The following PLD5 variants were observed in gnomAD, a reference collection of about 807,000 sequenced individuals.
PLD5 encodes phospholipase D family member 5.
A neutral mutation model predicts 61.1 loss-of-function variants in PLD5; 36 were observed. The observed-to-expected ratio is 0.59, with a 90% CI of 0.45 to 0.78. The LOEUF is 0.78. Among genes scored for constraint, PLD5 ranks in the 30% least tolerant of loss-of-function variants. The pLI, the probability that PLD5 is intolerant of heterozygous loss-of-function variation, is 0.00. For missense variants in PLD5, 515 were observed against 644.4 expected (o/e 0.80, Z 2.17); for synonymous variants, 243 against 242.8 (o/e 1.00, Z -0.01).
chr1:242,504,124 A>G (rs1558153584), intron 1 of PLD5, among the ~76,000 whole-genome samples: 1 of 152,210 alleles, frequency 6.6e-6, no homozygotes, highest in African/African-American at 2.4e-5. Flanking sequence ...TGTACCTACC[A>G]GAAATAATTT....
rs372039776 is a variant in PLD5, at chr1:242,389,464, A to G, written c.190-41222T>C. Among the ~76,000 whole-genome samples, 4 of 152,236 alleles carry G rather than the reference A, an allele frequency of 2.6e-5. No individual in the cohort carries two copies. The East Asian group carries it at 7.7e-4, about 29-fold the overall frequency. ...AAAGGACTCTGTTTAGATAATATTT[A>G]TTAAGCTCCCATATTAACACATGGT... On this transcript the variant is annotated intron_variant, in intron 1 of 9. Coordinates refer to ENST00000536534, the MANE Select transcript of PLD5 (RefSeq NM_001372062.1).
intron 1 of PLD5, among the ~76,000 whole-genome samples, chr1:242,428,145 A>T (rs1190607831): frequency 6.6e-6 from 1 of 152,226 alleles, no homozygotes; most frequent in Non-Finnish European, 1.5e-5. Context: ...TGTTAGGGAA[A>T]AGTAGGTATG....
At position 242,107,705 on chromosome 1, in the gene PLD5, A is replaced by G. The variant is rs1661172289; in HGVS notation, c.1205T>C (p.Ile402Thr). The G allele has an allele frequency of 6.3e-7, 1 of 1,597,910 alleles. No individual in the cohort carries two copies. Among genetic ancestry groups the G allele is most frequent in the African/African-American group, 1.4e-5 (1 of 73,852 alleles). The part of the protein sequence containing the change: ...TFNFISSLKA[I>T]CTEIANCSLK... Reference sequence around the variant, plus strand: ...ACTGCAGTTGGCTATTTCAGTGCAAATCGCTTTAAGAGATGAAATAAAGTT... The same window carrying G: ...ACTGCAGTTGGCTATTTCAGTGCAAGTCGCTTTAAGAGATGAAATAAAGTT... Residue 402 changes from isoleucine to threonine, a missense_variant, in exon 8 of 10, where the codon ATT becomes ACT. Transcript: ENST00000536534.
intron 2 of PLD5, among the ~76,000 whole-genome samples, chr1:242,327,606 G>C (rs1024633972): frequency 6.6e-6 from 1 of 152,102 alleles, no homozygotes; most frequent in Non-Finnish European, 1.5e-5. Flanking sequence ...TAACAGAGCT[G>C]CATATTTCAA....
chr1:242,155,126 T>G (rs1665250423), intron 5 of PLD5, among the ~76,000 whole-genome samples: 1 of 152,136 alleles, frequency 6.6e-6, no homozygotes, highest in Non-Finnish European at 1.5e-5. Flanking sequence ...TTCTACTTTA[T>G]TATTTGCGTA....
In PLD5 at chr1:242,186,937, G is replaced by GAGAT. The variant is rs1207112040; in HGVS notation, c.735+33047_735+33050dup. 1.1e-4 allele frequency among the ~76,000 whole-genome samples: 16 copies of GAGAT among 152,316 alleles called. No homozygotes were observed. The East Asian group carries it at 2.5e-3, about 24-fold the overall frequency. ...TTAAGGAGGAGATAACATTCATCGT[G>GAGAT]AGATAGGTAGCTTCTTAAATTTTCA... is the stretch of plus-strand genomic sequence containing the variant. On this transcript the variant is annotated intron_variant, in intron 5 of 9. Transcript: ENST00000536534.
chr1:242,490,264 C>T (rs111826907), intron 1 of PLD5, among the ~76,000 whole-genome samples: 3 of 152,178 alleles, frequency 2.0e-5, no homozygotes, highest in South Asian at 2.1e-4. Context: ...TCTTACCACA[C>T]GGCTTTTATG....
Position 242,283,159 on chromosome 1 carries a change from C to G in PLD5, c.495+5203G>C, listed in dbSNP as rs143454373. Among the ~76,000 whole-genome samples, 200 of 152,328 alleles carry G rather than the reference C, an allele frequency of 1.3e-3. 8 individuals carry two copies. In the East Asian group the frequency reaches 0.035, roughly 27 times the overall value. On this transcript the variant is annotated intron_variant, in intron 3 of 9. Coordinates refer to ENST00000536534, the MANE Select transcript of PLD5 (RefSeq NM_001372062.1). Reference sequence around the variant, plus strand: ...AATAAAAAAGCACATATTCATCATTCCTGTTAGTAACAACCATCACACTCA... The same window carrying G: ...AATAAAAAAGCACATATTCATCATTGCTGTTAGTAACAACCATCACACTCA...
At chr1:242,138,932 C>T (rs928995963) in intron 5 of PLD5, among the ~76,000 whole-genome samples, 2 of 152,152 alleles carry the variant, frequency 1.3e-5, no homozygotes, top group Non-Finnish European at 2.9e-5. Flanking sequence ...AGTTTGGTCT[C>T]CCTATCTCAA....
intron 4 of PLD5, among the ~76,000 whole-genome samples, chr1:242,245,747 C>A (rs1169415019): frequency 6.6e-6 from 1 of 152,136 alleles, no homozygotes; most frequent in Non-Finnish European, 1.5e-5. Context: ...GGAATTTGTT[C>A]TTTAGGCTGC....
At chr1:242,346,637 C>CT (rs1319256514) in intron 2 of PLD5, among the ~76,000 whole-genome samples, 3 of 152,184 alleles carry the variant, frequency 2.0e-5, no homozygotes, top group East Asian at 3.9e-4. Context: ...TATGAAATAC[C>CT]TTTTTTTATT....
At chr1:242,288,861 T>C (rs1194897208) in intron 2 of PLD5, among the ~76,000 whole-genome samples, 1 of 152,198 alleles carries the variant, frequency 6.6e-6, no homozygotes, top group African/African-American at 2.4e-5. Flanking sequence ...TAGTAATATA[T>C]TCCTTTATTT....
At chr1:242,121,810 A>T (rs1479215553) in intron 6 of PLD5, among the ~76,000 whole-genome samples, 2 of 152,100 alleles carry the variant, frequency 1.3e-5, no homozygotes, top group Non-Finnish European at 2.9e-5. Context: ...ATGAAGCTGG[A>T]AACCATCATT....
chr1:242,280,399 G>A (rs1674653752), intron 3 of PLD5, among the ~76,000 whole-genome samples: 1 of 152,118 alleles, frequency 6.6e-6, no homozygotes, highest in African/African-American at 2.4e-5. Context: ...AATAACAACA[G>A]AGAATTTGTA....
chr1:242,359,403 A>G (rs1235061647), intron 1 of PLD5, among the ~76,000 whole-genome samples: 1 of 152,174 alleles, frequency 6.6e-6, no homozygotes, highest in Non-Finnish European at 1.5e-5. Flanking sequence ...TGTTTCTTTC[A>G]GCTTTCAATG....
At chr1:242,471,070 A>G (rs993853765) in intron 1 of PLD5, among the ~76,000 whole-genome samples, 10 of 152,138 alleles carry the variant, frequency 6.6e-5, no homozygotes, top group African/African-American at 2.2e-4. Context: ...GACTAAACTT[A>G]TCAAGGGCTC....
In PLD5 at chr1:242,121,745, G is replaced by A. The variant is rs187232257; in HGVS notation, c.933+2723C>T. ...AGAAAATGTGACAGATATACACCAC[G>A]GAATACTATGCAGCCATAAAAAAGG... On this transcript the variant is annotated intron_variant, in intron 6 of 9. Coordinates refer to ENST00000536534, the MANE Select transcript of PLD5 (RefSeq NM_001372062.1). Among the ~76,000 whole-genome samples, 27 of 152,100 alleles carry A rather than the reference G, an allele frequency of 1.8e-4. No homozygotes were observed. The South Asian group carries it at 2.7e-3, about 15-fold the overall frequency.
intron 5 of PLD5, among the ~76,000 whole-genome samples, chr1:242,174,693 T>C (rs529807353): frequency 1.5e-3 from 233 of 152,246 alleles, no homozygotes; most frequent in African/African-American, 5.3e-3. Context: ...ACATGGCACA[T>C]ATACACCATG....
At chr1:242,163,344 T>C (rs368359558) in intron 5 of PLD5, among the ~76,000 whole-genome samples, 24 of 151,880 alleles carry the variant, frequency 1.6e-4, no homozygotes, top group East Asian at 3.9e-4. Flanking sequence ...GGGGTTTCAC[T>C]GTGTTAGCCA....
Sources: gnomAD v4.1 joint callset for allele counts (sites outside exome capture counted in the v4.1 genomes callset) on GRCh38, gnomAD v4.1.1 for gene constraint, MANE v1.5 for transcripts, NCBI Gene and HGNC (gene_info 2026-07-23, HGNC 2026-07-21) for gene names.